FAT3: variants seen among roughly 807,000 people sequenced by gnomAD.
FAT3 encodes the protein FAT atypical cadherin 3, also known as protocadherin Fat 3.
FAT3 carries 95 observed loss-of-function variants against 310.2 expected under a neutral mutation model. That is an observed-to-expected ratio of 0.31 (90% confidence interval 0.26 to 0.36). The LOEUF (loss-of-function observed/expected upper bound fraction) is 0.36, where lower values mean the gene tolerates loss of function less well. Among genes scored for constraint, FAT3 ranks in the 10% least tolerant of loss-of-function variants. The pLI is 1.00. For missense variants in FAT3, 5,408 were observed against 5,715.6 expected (o/e 0.95, Z 1.74); for synonymous variants, 2,314 against 2,192.9 (o/e 1.06, Z -1.54).
At chr11:92,482,420 T>C (rs776010699) in intron 2 of FAT3, among the ~76,000 whole-genome samples, 13 of 152,112 alleles carry the variant, frequency 8.5e-5, no homozygotes, top group Non-Finnish European at 1.6e-4. Context: ...AACAGTCCTG[T>C]TAGGAGGTGT....
intron 2 of FAT3, among the ~76,000 whole-genome samples, chr11:92,495,111 C>A (rs1952715593): frequency 6.6e-6 from 1 of 152,002 alleles, no homozygotes; most frequent in African/African-American, 2.4e-5. Context: ...TATGCAGCAT[C>A]TTCTGTTTAA....
chr11:92,271,834 CT>C (rs1388221976), intron 1 of FAT3, among the ~76,000 whole-genome samples: 3 of 152,126 alleles, frequency 2.0e-5, no homozygotes, highest in Admixed American at 2.0e-4. Flanking sequence ...TGTGACTTTT[CT>C]TTTTCTGCCT....
chr11:92,532,914 G>A (rs1954129427), intron 3 of FAT3, among the ~76,000 whole-genome samples: 1 of 152,160 alleles, frequency 6.6e-6, no homozygotes, highest in Non-Finnish European at 1.5e-5. Context: ...GGATTCTGCA[G>A]TCATGTATCT....
At chr11:92,626,390 A>T (rs1941336424) in intron 3 of FAT3, among the ~76,000 whole-genome samples, 2 of 152,178 alleles carry the variant, frequency 1.3e-5, no homozygotes, top group African/African-American at 4.8e-5. Context: ...AAATAATTTA[A>T]TGTACCAATT....
chr11:92,733,710 T>C (rs779486328), intron 4 of FAT3, among the ~76,000 whole-genome samples: 1 of 152,066 alleles, frequency 6.6e-6, no homozygotes, highest in Non-Finnish European at 1.5e-5. Flanking sequence ...GTTTGGCACG[T>C]TATGTTTTAG....
intron 3 of FAT3, among the ~76,000 whole-genome samples, chr11:92,693,826 C>T (rs928091338): frequency 3.9e-5 from 6 of 152,038 alleles, no homozygotes; most frequent in Non-Finnish European, 5.9e-5. Context: ...TTGCTGTAAC[C>T]GTAAAATTTC....
chr11:92,306,966 T>A (rs1458204), intron 1 of FAT3, among the ~76,000 whole-genome samples: 22,439 of 148,680 alleles, frequency 0.15, 1,808 homozygotes, highest in East Asian at 0.19. Flanking sequence ...ATTTTTTTTT[T>A]AATTTTATTT....
rs1484634288 is a variant in FAT3, at chr11:92,859,310, C to T, written c.11646C>T (p.Cys3882=). ...TAATGTACACCAGAGCAAATCCCTGCATAATTCTGAAGGTAATTAAAATGG... is the reference window on the plus strand; with the variant it reads ...TAATGTACACCAGAGCAAATCCCTGTATAATTCTGAAGGTAATTAAAATGG... The part of the protein sequence containing the change: ...GIIMYTRANP[C]IILKIVDGKL... Residue 3882 remains cysteine (C), a synonymous_variant, in exon 21 of 28, where the codon TGC becomes TGT. Transcript: ENST00000525166. The T allele has an allele frequency of 6.3e-7, 1 of 1,599,344 alleles. No homozygotes were observed. Among genetic ancestry groups the T allele is most frequent in the Admixed American group, 1.7e-5 (1 of 59,088 alleles).
At chr11:92,509,176 G>A (rs990228585) in intron 2 of FAT3, among the ~76,000 whole-genome samples, 2 of 152,094 alleles carry the variant, frequency 1.3e-5, no homozygotes, top group African/African-American at 4.8e-5. Context: ...GTAAATGATA[G>A]TATTTTTAAT....
intron 1 of FAT3, among the ~76,000 whole-genome samples, chr11:92,270,508 G>A (rs144680014): frequency 0.011 from 1,704 of 150,494 alleles, 25 homozygotes; most frequent in African/African-American, 0.039. Flanking sequence ...GTGAAACCTC[G>A]TCTCTAATAA....
intron 5 of FAT3, among the ~76,000 whole-genome samples, 152 bp downstream of exon 5, chr11:92,762,322 G>A (rs529817582): frequency 6.6e-6 from 1 of 152,304 alleles, no homozygotes; most frequent in African/African-American, 2.4e-5. Flanking sequence ...GTGCAGGTGA[G>A]AACTCTTGCC....
chr11:92,767,813 T>A (rs1190617182), intron 6 of FAT3, among the ~76,000 whole-genome samples: 1 of 152,132 alleles, frequency 6.6e-6, no homozygotes, highest in South Asian at 2.1e-4. Context: ...AAACCTCTGT[T>A]GCTACCAACC....
chr11:92,291,343 T>C (rs1946689454), intron 1 of FAT3, among the ~76,000 whole-genome samples: 1 of 152,042 alleles, frequency 6.6e-6, no homozygotes. Context: ...AGCTTGACAC[T>C]TGTACTCATG....
At chr11:92,576,465 C>T (rs1268441017) in intron 3 of FAT3, among the ~76,000 whole-genome samples, 1 of 152,102 alleles carries the variant, frequency 6.6e-6, no homozygotes, top group Non-Finnish European at 1.5e-5. Flanking sequence ...CGTGTTCATT[C>T]CCAAGCAGGA....
At chr11:92,576,352 C>T (rs187442368) in intron 3 of FAT3, among the ~76,000 whole-genome samples, 1 of 152,232 alleles carries the variant, frequency 6.6e-6, no homozygotes, top group Non-Finnish European at 1.5e-5. Context: ...TAGCATCTTG[C>T]AATGAGGTCT....
chr11:92,870,065 A>G (rs1949347718), intron 22 of FAT3, among the ~76,000 whole-genome samples: 1 of 152,200 alleles, frequency 6.6e-6, no homozygotes, highest in African/African-American at 2.4e-5. Flanking sequence ...CAGGACACAT[A>G]TTTTAGCATA....
intron 2 of FAT3, among the ~76,000 whole-genome samples, chr11:92,456,853 A>G (rs1158345120): frequency 6.6e-6 from 1 of 152,100 alleles, no homozygotes; most frequent in African/African-American, 2.4e-5. Context: ...ATTTTTGGGC[A>G]TGTGTGCCAT....
chr11:92,880,966 A>G, intron 23 of FAT3, 82 bp downstream of exon 23: 2 of 1,442,724 alleles, frequency 1.4e-6, no homozygotes, highest in Middle Eastern at 1.8e-4. Context: ...TGAGGGTAAA[A>G]TATTTACCAC....
intron 3 of FAT3, among the ~76,000 whole-genome samples, chr11:92,696,214 G>A (rs895543111): frequency 4.6e-5 from 7 of 151,998 alleles, no homozygotes; most frequent in African/African-American, 7.3e-5. Flanking sequence ...ATGAATTCAT[G>A]GAAAGTTAGA....
Sources: allele counts gnomAD v4.1 joint callset (sites outside exome capture counted in the v4.1 genomes callset), GRCh38; gene constraint gnomAD v4.1.1; transcripts MANE v1.5; gene names NCBI Gene and HGNC (gene_info 2026-07-23, HGNC 2026-07-21).